The following RIT2 variants were observed in gnomAD, a reference collection of about 807,000 sequenced individuals.
The protein encoded by RIT2 is Ras like without CAAX 2, also known as GTP-binding protein Rit2.
Under a neutral mutation model 23.7 loss-of-function variants are expected in RIT2, and 24 were observed. The ratio of observed to expected loss-of-function variants is 1.01; its 90% confidence interval spans 0.73 to 1.43. RIT2 has a LOEUF of 1.43. Among genes scored for constraint, RIT2 ranks in the 40% most tolerant of loss-of-function variants. RIT2 has a pLI of 0.00. For missense variants in RIT2, 236 were observed against 266.9 expected (o/e 0.88, Z 0.81); for synonymous variants, 107 against 91.1 (o/e 1.17, Z -0.99).
intron 4 of RIT2, among the ~76,000 whole-genome samples, chr18:42,877,505 TTG>T (rs952861240): frequency 2.5e-4 from 35 of 139,368 alleles, no homozygotes; most frequent in African/African-American, 9.9e-4. Context: ...TATCTCTGTT[TTG>T]TGTTTGTATA....
intron 4 of RIT2, among the ~76,000 whole-genome samples, chr18:42,768,071 TTATAG>T (rs1913468483): frequency 6.6e-6 from 1 of 151,410 alleles, no homozygotes; most frequent in South Asian, 2.1e-4. Flanking sequence ...TATATGCATA[TTATAG>T]TATATAGCAT....
chr18:42,843,924 A>T (rs1447896288), intron 4 of RIT2, among the ~76,000 whole-genome samples: 2 of 152,232 alleles, frequency 1.3e-5, no homozygotes, highest in Admixed American at 6.5e-5. Context: ...TGAGTAAGAG[A>T]AAATATGTTA....
chr18:42,930,074 T>C (rs1357473882), intron 3 of RIT2, among the ~76,000 whole-genome samples: 61 of 152,098 alleles, frequency 4.0e-4, no homozygotes, highest in Non-Finnish European at 1.5e-5. Flanking sequence ...GTATGACTCA[T>C]ATAAAGAGGT....
chr18:42,866,087 A>G (rs1032268410), intron 4 of RIT2, among the ~76,000 whole-genome samples: 6 of 152,176 alleles, frequency 3.9e-5, no homozygotes, highest in African/African-American at 7.2e-5. Flanking sequence ...AATACAGTCC[A>G]TAGATAAAGC....
intron 4 of RIT2, among the ~76,000 whole-genome samples, chr18:42,838,722 T>A (rs993638743): frequency 4.5e-4 from 69 of 152,180 alleles, no homozygotes; most frequent in Non-Finnish European, 8.8e-4. Flanking sequence ...CCTTGCAATG[T>A]CTTCTTGATT....
At chr18:42,804,772 C>T (rs1291269657) in intron 4 of RIT2, among the ~76,000 whole-genome samples, 4 of 152,082 alleles carry the variant, frequency 2.6e-5, no homozygotes, top group African/African-American at 9.6e-5. Context: ...CCATCATCAG[C>T]TTACCAGAAC....
intron 1 of RIT2, among the ~76,000 whole-genome samples, chr18:43,051,517 G>T (rs1299598315): frequency 6.6e-6 from 1 of 152,070 alleles, no homozygotes; most frequent in African/African-American, 2.4e-5. Flanking sequence ...ACTTTTAGGT[G>T]CCTGTGGGCT....
At chr18:42,790,255 G>A (rs1244465641) in intron 4 of RIT2, among the ~76,000 whole-genome samples, 2 of 152,096 alleles carry the variant, frequency 1.3e-5, no homozygotes, top group Admixed American at 6.5e-5. Context: ...GACAATCTGA[G>A]ATATAGCTAA....
intron 3 of RIT2, among the ~76,000 whole-genome samples, chr18:42,933,501 A>C (rs1243662425): frequency 6.6e-6 from 1 of 152,150 alleles, no homozygotes; most frequent in Non-Finnish European, 1.5e-5. Context: ...GAGTTAATTG[A>C]ATCGTGGAGG....
At chr18:42,797,995 C>A (rs955655512) in intron 4 of RIT2, among the ~76,000 whole-genome samples, 6 of 151,802 alleles carry the variant, frequency 4.0e-5, no homozygotes, top group Non-Finnish European at 8.8e-5. Flanking sequence ...TATTTCCTTT[C>A]AGATCTACAT....
chr18:42,992,129 G>C (rs1394254459), intron 2 of RIT2, among the ~76,000 whole-genome samples: 3 of 120,056 alleles, frequency 2.5e-5, no homozygotes, highest in African/African-American at 9.2e-5. Flanking sequence ...CCTTCACTAT[G>C]GGCAAACTTC....
At chr18:42,768,009 G>A (rs999605147) in intron 4 of RIT2, among the ~76,000 whole-genome samples, 8 of 151,744 alleles carry the variant, frequency 5.3e-5, no homozygotes, top group Non-Finnish European at 1.2e-4. Context: ...TATCAGCAGT[G>A]TGAAAACAAA....
intron 4 of RIT2, among the ~76,000 whole-genome samples, chr18:42,767,957 T>C (rs1913464599): frequency 1.3e-5 from 2 of 152,014 alleles, no homozygotes; most frequent in Non-Finnish European, 2.9e-5. Flanking sequence ...GAACTGTAAG[T>C]CCAATTAAAC....
intron 4 of RIT2, among the ~76,000 whole-genome samples, chr18:42,809,994 AACATATATGTATAAGTTATATATGTT>A (rs1300733453): frequency 2.1e-4 from 31 of 146,210 alleles, no homozygotes; most frequent in African/African-American, 7.4e-4. Context: ...TGTTATATAT[AACATATATGTATAAGTTATATATGTT>A]ACATATATGT....
At position 42,838,899 on chromosome 18, in the gene RIT2, T is replaced by C. The variant is rs945308890; in HGVS notation, c.426+84673A>G. Among the ~76,000 whole-genome samples the C allele has an allele frequency of 2.6e-5, 4 of 152,306 alleles. No individual in the cohort carries two copies. In the East Asian group the frequency reaches 5.8e-4, roughly 22 times the overall value. ...GGTATTGAAACTGGCATGCACAATT[T>C]TCTCTCACTTGAGAAGAAGGAGCTT... On this transcript the variant is annotated intron_variant, in intron 4 of 4. Transcript: ENST00000326695.
chr18:42,800,186 A>G (rs1309227645), intron 4 of RIT2, among the ~76,000 whole-genome samples: 17 of 152,216 alleles, frequency 1.1e-4, no homozygotes, highest in Admixed American at 1.1e-3. Context: ...GAATAGGACT[A>G]CAAATTCGAT....
At chr18:43,097,098 G>T (rs1913571592) in intron 1 of RIT2, among the ~76,000 whole-genome samples, 1 of 151,884 alleles carries the variant, frequency 6.6e-6, no homozygotes, top group Admixed American at 6.6e-5. Flanking sequence ...AAGAGAGAAA[G>T]CAGCATCATG....
chr18:43,010,329 G>T (rs1911323192), intron 2 of RIT2, among the ~76,000 whole-genome samples: 1 of 151,742 alleles, frequency 6.6e-6, no homozygotes, highest in African/African-American at 2.4e-5. Flanking sequence ...GAAGACTTAG[G>T]TTATTGTTTT....
At chr18:42,783,967 C>A (rs1284298539) in intron 4 of RIT2, among the ~76,000 whole-genome samples, 1 of 151,916 alleles carries the variant, frequency 6.6e-6, no homozygotes, top group Non-Finnish European at 1.5e-5. Flanking sequence ...CATAACTCAG[C>A]ACTCCTGTAC....
Sources: gnomAD v4.1 joint callset for allele counts (sites outside exome capture counted in the v4.1 genomes callset) on GRCh38, gnomAD v4.1.1 for gene constraint, MANE v1.5 for transcripts, NCBI Gene and HGNC (gene_info 2026-07-23, HGNC 2026-07-21) for gene names.